The following PPL variants were observed in gnomAD, a reference collection of about 807,000 sequenced individuals.
PPL encodes the protein 190 kDa paraneoplastic pemphigus antigen.
A neutral mutation model predicts 194.4 loss-of-function variants in PPL; 198 were observed. That is an observed-to-expected ratio of 1.02 (90% CI 0.91 to 1.15). The LOEUF (loss-of-function observed/expected upper bound fraction) is 1.15, where lower values mean the gene tolerates loss of function less well. Ranked by LOEUF, PPL falls within the 50% of genes most tolerant of loss-of-function variation. The pLI, the probability that PPL is intolerant of heterozygous loss-of-function variation, is 0.00. For synonymous variants in PPL, 1,220 were observed against 972.4 expected, an observed-to-expected ratio of 1.25 and a Z score of -4.74; for missense variants, 2,885 against 2,294.8, an observed-to-expected ratio of 1.26 and a Z score of -5.25.
rs941782382 is a variant in PPL at position 4,892,173 on chromosome 16, G to A, written c.1691C>T (p.Thr564Met). Residue 564 changes from threonine (T) to methionine (M), a missense_variant, in exon 15 of 22, where the codon ACG (threonine) becomes ATG (methionine). Coordinates refer to ENST00000345988, the MANE Select transcript of PPL (RefSeq NM_002705.5). ...NELLRIEPEK[T>M]RSTAEGEAFI... ...GGCTTCGCCCTCAGCCGTGCTCCGC[G>A]TCTTCTCAGGTTCAATCCGCAGTAG... 9.3e-6 allele frequency: 15 copies of A among 1,613,766 alleles called. No homozygotes were observed. Among genetic ancestry groups the A allele is most frequent in the African/African-American group, 5.3e-5 (4 of 75,066 alleles).
At chr16:4,925,781 C>G (rs1055137757) in intron 1 of PPL, among the ~76,000 whole-genome samples, 1 of 152,142 alleles carries the variant, frequency 6.6e-6, no homozygotes, top group African/African-American at 2.4e-5. Context: ...CTTCAAAAAG[C>G]CACCTTCTCA....
rs1475928653 is a variant in PPL, at chr16:4,883,995, A to C, written c.4660T>G (p.Ser1554Ala). 2 of 1,613,816 alleles carry C rather than the reference A, an allele frequency of 1.2e-6. No individual in the cohort carries two copies. Among genetic ancestry groups the C allele is most frequent in the Non-Finnish European group, 1.7e-6 (2 of 1,180,008 alleles). ...LSELEFHNSK[S>A]SKELDFLREE... ...CTCAGAAAGTCTAGTTCCTTGGATG[A>C]CTTGGAGTTATGGAATTCCAGCTCC... Residue 1554 changes from serine (S) to alanine (A), a missense_variant, in exon 22 of 22, where the codon TCA becomes GCA. By Grantham distance (99) the Ser-to-Ala change is moderately conservative (BLOSUM62 1). Coordinates refer to ENST00000345988, the MANE Select transcript of PPL (RefSeq NM_002705.5). This position sits in a 1 kb window ranked among gnomAD's most constrained non-coding sequence, Gnocchi z 4.8.
At position 4,902,668 on chromosome 16, in the gene PPL, TCCTCTCACC is replaced by T; in HGVS notation, c.318-151_318-143del. The T allele has an allele frequency of 1.1e-6, 1 of 869,838 alleles. No homozygotes were observed. The highest frequency in any genetic ancestry group is 2.0e-5 in the South Asian group (1 of 51,092). The allele number at this position is 869,838 out of a possible 1,614,324, so 53.9% of individuals were successfully genotyped here. On this transcript the variant is annotated intron_variant, in intron 3 of 21. Transcript: ENST00000345988. This position sits in a 1 kb window ranked among gnomAD's most constrained non-coding sequence, Gnocchi z 4.0. ...CCTTGGGTTCCAGACAATCACAGCA[TCCTCTCACC>T]CCTCCTCCCATGCACTTTTTTTTTT...
intron 21 of PPL, among the ~76,000 whole-genome samples, chr16:4,886,423 C>T (rs567641470): frequency 6.6e-6 from 1 of 152,320 alleles, no homozygotes; most frequent in Non-Finnish European, 1.5e-5. Context: ...CTGCTCACTG[C>T]ACTTACAGAG....
intron 1 of PPL, among the ~76,000 whole-genome samples, chr16:4,931,758 G>T (rs2089228482): frequency 6.6e-6 from 1 of 152,116 alleles, no homozygotes; most frequent in African/African-American, 2.4e-5. Context: ...ACACCCTTAG[G>T]GTATTGCTTA....
At chr16:4,904,983 A>G (rs921840211) in intron 2 of PPL, among the ~76,000 whole-genome samples, 9 of 152,162 alleles carry the variant, frequency 5.9e-5, no homozygotes, top group African/African-American at 1.9e-4. Context: ...GTAGGTTTCT[A>G]ATCACAGCGG....
rs758623786 is a variant in PPL, at chr16:4,894,585, G to A, written c.1276C>T (p.Gln426Ter). The part of the protein sequence containing the change: ...LISRGYSYTL[Q>*]KNNGESWELM... Reference sequence around the variant, plus strand: ...TCCCAGCTCTCCCCGTTGTTCTTCTGCAGGGTGTAGCTGTAGCCCCGCGAG... The same window carrying A: ...TCCCAGCTCTCCCCGTTGTTCTTCTACAGGGTGTAGCTGTAGCCCCGCGAG... The change falls in exon 12 of 22, where the codon CAG becomes TAG. Residue 426 changes from glutamine to a stop codon, truncating the protein, a stop_gained. Coordinates refer to ENST00000345988, the MANE Select transcript of PPL (RefSeq NM_002705.5). LOFTEE classifies it high-confidence loss of function. 2 of 1,613,792 alleles carry A rather than the reference G, an allele frequency of 1.2e-6. No individual in the cohort carries two copies. The highest frequency in any genetic ancestry group is 1.3e-5 in the African/African-American group (1 of 75,048).
At chr16:4,936,958 G>A (rs775658203) in intron 1 of PPL, 26 bp downstream of exon 1, 1 of 1,580,574 alleles carries the variant, frequency 6.3e-7, no homozygotes, top group Admixed American at 1.7e-5. Flanking sequence ...GAGCGTCCCG[G>A]AGCGGAGCTG....
At chr16:4,906,881 C>G (rs2088697164) in intron 2 of PPL, among the ~76,000 whole-genome samples, 1 of 152,162 alleles carries the variant, frequency 6.6e-6, no homozygotes, top group Non-Finnish European at 1.5e-5. Flanking sequence ...AAAATTCACC[C>G]AGGTGAAGTC....
chr16:4,930,323 C>A (rs188407345), intron 1 of PPL, among the ~76,000 whole-genome samples: 5 of 152,304 alleles, frequency 3.3e-5, no homozygotes, highest in South Asian at 2.1e-4. Flanking sequence ...ACTCTCTGCT[C>A]ACCGTCCTGC....
chr16:4,915,191 C>G (rs1485017693), intron 1 of PPL, among the ~76,000 whole-genome samples: 3 of 152,228 alleles, frequency 2.0e-5, no homozygotes, highest in Non-Finnish European at 2.9e-5. Context: ...CCGAAGCCCC[C>G]CAGAGGACAT....
Position 4,884,554 on chromosome 16 carries a change from C to G in PPL, c.4101G>C (p.Glu1367Asp), listed in dbSNP as rs1466605214. ...CGATGCTCTCGGCAAAGGCGCTCGC[C>G]TCGGCCCGCAGGCCTGGCTCCTCCT... The part of the protein sequence containing the change: ...RYEEEPGLRA[E>D]ASAFAESIDV... Residue 1367 changes from glutamate to aspartate, a missense_variant, in exon 22 of 22, where the codon GAG (glutamate) becomes GAC (aspartate). Glu to Asp is a conservative substitution (Grantham distance 45, BLOSUM62 2). Coordinates refer to ENST00000345988, the MANE Select transcript of PPL (RefSeq NM_002705.5). The surrounding 1 kb of genome is among the most constrained non-coding windows in gnomAD (Gnocchi z 5.7). 1 of 1,613,800 alleles carries G rather than the reference C, an allele frequency of 6.2e-7. No individual in the cohort carries two copies.
intron 2 of PPL, among the ~76,000 whole-genome samples, chr16:4,904,533 T>C (rs2088643577): frequency 6.6e-6 from 1 of 152,074 alleles, no homozygotes; most frequent in Non-Finnish European, 1.5e-5. Flanking sequence ...AGCCTCTTCG[T>C]GGTGGAGACA....
chr16:4,891,819 C>T lies in PPL; in HGVS notation c.1960G>A (p.Glu654Lys). 1.2e-6 allele frequency: 2 copies of T among 1,611,160 alleles called. No homozygotes were observed. Among genetic ancestry groups the T allele is most frequent in the Non-Finnish European group, 1.7e-6 (2 of 1,178,908 alleles). Residue 654 changes from glutamate (E) to lysine (K), a missense_variant, in exon 16 of 22, where the codon GAG becomes AAG. Transcript: ENST00000345988. ...TTGGGCCCTAGACTCACCGCCAGCT[C>T]CTGCCCCTTGCTGTCCAGGACACGG... Reference protein sequence around the residue: ...SSRVLDSKGQELAAMACELQA... With the variant: ...SSRVLDSKGQKLAAMACELQA...
chr16:4,917,137 A>G (rs537172938), intron 1 of PPL, among the ~76,000 whole-genome samples: 1 of 152,092 alleles, frequency 6.6e-6, no homozygotes, highest in Non-Finnish European at 1.5e-5. Flanking sequence ...ATCTCAGAAA[A>G]TAAAAAACAA....
At position 4,885,172 on chromosome 16, in the gene PPL, C is replaced by G. The variant is rs768551197; in HGVS notation, c.3483G>C (p.Leu1161Phe). ...CCACCACTTTGGCGTTCTCCTCCTC[C>G]AAGGCCCATATCTTTCGGAGCAGCT... Reference protein sequence around the residue: ...KTELLRKIWALEEENAKVVVQ... With the variant: ...KTELLRKIWAFEEENAKVVVQ... Residue 1161 changes from leucine (L) to phenylalanine (F), a missense_variant, in exon 22 of 22, where the codon TTG becomes TTC. Coordinates refer to ENST00000345988, the MANE Select transcript of PPL (RefSeq NM_002705.5). This position sits in a 1 kb window ranked among gnomAD's most constrained non-coding sequence, Gnocchi z 6.3. The G allele has an allele frequency of 1.2e-6, 2 of 1,614,152 alleles. No individual in the cohort carries two copies. Among genetic ancestry groups the G allele is most frequent in the Admixed American group, 1.7e-5 (1 of 60,026 alleles).
intron 13 of PPL, 30 bp from the exon 14 acceptor site, chr16:4,893,400 G>A (rs905938092): frequency 9.4e-6 from 15 of 1,600,582 alleles, no homozygotes; most frequent in Middle Eastern, 1.7e-4. Context: ...ACAGGCAGGT[G>A]TGACAACGGG....
At chr16:4,889,200 C>T in intron 18 of PPL, 139 bp from the exon 19 acceptor site, 1 of 334,316 alleles carries the variant, frequency 3.0e-6, no homozygotes, top group East Asian at 6.3e-5. Context: ...CCCTTGTATA[C>T]ATTTTTATTC....
chr16:4,888,892 G>T, intron 19 of PPL, 86 bp downstream of exon 19: 2 of 1,336,824 alleles, frequency 1.5e-6, no homozygotes, highest in Non-Finnish European at 2.2e-6. Context: ...CATGTGCCAG[G>T]GCCGGTGCTT....
Sources: allele counts gnomAD v4.1 joint callset (sites outside exome capture counted in the v4.1 genomes callset), GRCh38; gene constraint gnomAD v4.1.1; non-coding constraint Gnocchi (gnomAD v3.1); transcripts MANE v1.5; gene names NCBI Gene and HGNC (gene_info 2026-07-23, HGNC 2026-07-21).